Variants in COL18A1 observed in about 807,000 individuals in gnomAD.
COL18A1 encodes the protein collagen alpha-1(XVIII) chain.
COL18A1 carries 133 observed loss-of-function variants against 168.0 expected under a neutral mutation model. That is an observed-to-expected ratio of 0.79 (90% CI 0.69 to 0.91). COL18A1 has a LOEUF of 0.91. Ranked by LOEUF, COL18A1 falls within the 40% of genes least tolerant of loss-of-function variation. The pLI, the probability that COL18A1 is intolerant of heterozygous loss-of-function variation, is 0.00. For synonymous variants in COL18A1, 949 were observed against 809.0 expected (o/e 1.17, Z -2.94); for missense variants, 2,126 against 1,925.4 (o/e 1.10, Z -1.95).
intron 3 of COL18A1, among the ~76,000 whole-genome samples, chr21:45,469,318 G>A (rs1462651174): frequency 1.3e-5 from 2 of 152,260 alleles, no homozygotes; most frequent in South Asian, 2.1e-4. Context: ...AACGATGAAC[G>A]ATCCAAAGCT....
Position 45,468,260 on chromosome 21 carries a change from T to G in COL18A1, c.125T>G (p.Val42Gly). Residue 42 changes from valine to glycine, a missense_variant, in exon 3 of 42, where the codon GTG becomes GGG. Coordinates refer to ENST00000651438, the MANE Select transcript of COL18A1 (RefSeq NM_001379500.1). ...TTTGCAGAGCGCATCAGCGAGGAGG[T>G]GGGGCTGCTGCAGCTCCTTGGGGAC... ...SAEPERISEE[V>G]GLLQLLGDPP... 1 of 1,613,006 alleles carries G rather than the reference T, an allele frequency of 6.2e-7. No individual in the cohort carries two copies. Among genetic ancestry groups the G allele is most frequent in the Non-Finnish European group, 8.5e-7 (1 of 1,180,016 alleles).
chr21:45,477,609 C>G lies in COL18A1; in HGVS notation c.1005+122C>G, dbSNP rs1176672422. The G allele has an allele frequency of 6.3e-6, 8 of 1,277,960 alleles. No individual in the cohort carries two copies. The highest frequency in any genetic ancestry group is 2.9e-5 in the African/African-American group (2 of 67,860). 79.2% of individuals were successfully genotyped at this position (1,277,960 alleles called of 1,614,324 possible). ...GCCCGTGCCTCCTTTGTGCCCAGCA[C>G]TCGGTGCCAGCATGCGTCCACCCTG... On this transcript the variant is annotated intron_variant, in intron 7 of 41. Transcript: ENST00000651438.
At chr21:45,459,424 A>G (rs9977280) in intron 2 of COL18A1, among the ~76,000 whole-genome samples, 39,035 of 152,098 alleles carry the variant, frequency 0.26, 5,977 homozygotes, top group African/African-American at 0.43. Flanking sequence ...ATCTCCAGGG[A>G]TCAGGGAGTA....
chr21:45,510,314 TG>T (rs1266906764), intron 40 of COL18A1, 53 bp downstream of exon 40: 2 of 1,537,282 alleles, frequency 1.3e-6, no homozygotes, highest in Admixed American at 3.9e-5. Context: ...ACTTGACCTC[TG>T]GGGTGAACTC....
intron 2 of COL18A1, among the ~76,000 whole-genome samples, chr21:45,453,307 GTA>G (rs1413707713): frequency 6.6e-6 from 1 of 152,088 alleles, no homozygotes; most frequent in Non-Finnish European, 1.5e-5. Context: ...GTGTATGTGA[GTA>G]TTCACATGTG....
At chr21:45,462,461 T>A (rs1352271411) in intron 2 of COL18A1, among the ~76,000 whole-genome samples, 1 of 152,190 alleles carries the variant, frequency 6.6e-6, no homozygotes, top group Non-Finnish European at 1.5e-5. Flanking sequence ...TTTCATCTTT[T>A]GTCTTTGAAA....
At chr21:45,481,923 C>T (rs377648546) in intron 13 of COL18A1, 40 bp from the exon 14 acceptor site, 23 of 1,450,226 alleles carry the variant, frequency 1.6e-5, no homozygotes, top group African/African-American at 4.2e-5. Flanking sequence ...TTTTAGTGGC[C>T]GAATGCCATC....
chr21:45,443,412 C>G lies in COL18A1; in HGVS notation c.107-24830C>G, dbSNP rs1238823719. ...AGTGGGCCTTCACCAGCTTGAAAGG[C>G]CGCCCGTGCCTTTCCTCCTTGGCCC... On this transcript the variant is annotated intron_variant, in intron 2 of 41. Transcript: ENST00000651438. This position sits in a 1 kb window ranked among gnomAD's most constrained non-coding sequence, Gnocchi z 5.2. Among the ~76,000 whole-genome samples, 2 of 152,120 alleles carry G rather than the reference C, an allele frequency of 1.3e-5. No homozygotes were observed. The highest frequency in any genetic ancestry group is 2.9e-5 in the Non-Finnish European group (2 of 67,996).
In COL18A1 at chr21:45,473,763, G is replaced by GC; in HGVS notation, c.652-129dup. On this transcript the variant is annotated intron_variant, in intron 3 of 41. Coordinates refer to ENST00000651438, the MANE Select transcript of COL18A1 (RefSeq NM_001379500.1). The surrounding 1 kb of genome is among the most constrained non-coding windows in gnomAD (Gnocchi z 4.0). ...GGCATACCGCACCCCCAGGGAGGCTGCCCGAGACCCCTTCCCTCTCCGAGA... is the reference window on the plus strand; with the variant it reads ...GGCATACCGCACCCCCAGGGAGGCTGCCCCGAGACCCCTTCCCTCTCCGAGA... 1 of 770,730 alleles carries GC rather than the reference G, an allele frequency of 1.3e-6. No individual in the cohort carries two copies. The highest frequency in any genetic ancestry group is 1.5e-5 in the South Asian group (1 of 67,902). The allele number at this position is 770,730 out of a possible 1,614,324, so 47.7% of individuals were successfully genotyped here.
Position 45,493,177 on chromosome 21 carries a change from CAAGGGCAACCTGGGCTCT to C in COL18A1, c.2236_2253del (p.Asn746_Gly751del). The stretch of plus-strand genomic sequence containing the variant: ...CTCCATTCCAGGGACCTGCAGGACC[CAAGGGCAACCTGGGCTCT>C]AAGGGCGAACGAGGCTCCCCGGGAC... On this transcript the variant is annotated inframe_deletion, in exon 25 of 42. Transcript: ENST00000651438. 6.4e-7 allele frequency: 1 copy of C among 1,560,602 alleles called. No homozygotes were observed. Among genetic ancestry groups the C allele is most frequent in the Non-Finnish European group, 8.7e-7 (1 of 1,152,348 alleles).
At chr21:45,503,346 T>G (rs2036968158) in intron 32 of COL18A1, among the ~76,000 whole-genome samples, 1 of 152,194 alleles carries the variant, frequency 6.6e-6, no homozygotes, top group Non-Finnish European at 1.5e-5. Context: ...TTTTCATGTG[T>G]TTTTTGGCTG....
chr21:45,478,185 C>T, intron 8 of COL18A1, 142 bp from the exon 9 acceptor site: 3 of 1,109,278 alleles, frequency 2.7e-6, no homozygotes, highest in Non-Finnish European at 4.1e-6. Context: ...GAGGAGGCTC[C>T]TGGCGCGGGT....
intron 2 of COL18A1, among the ~76,000 whole-genome samples, chr21:45,458,964 C>T (rs2034947070): frequency 6.6e-6 from 1 of 152,232 alleles, no homozygotes; most frequent in African/African-American, 2.4e-5. Flanking sequence ...TCTGCAACTG[C>T]AGCTGGCCCG....
chr21:45,476,256 C>T lies in COL18A1; in HGVS notation c.799-95C>T, dbSNP rs1602481841. 5.8e-6 allele frequency: 9 copies of T among 1,559,128 alleles called. No homozygotes were observed. In the East Asian group the frequency reaches 2.1e-4, roughly 36 times the overall value. On this transcript the variant is annotated intron_variant, in intron 5 of 41. Transcript: ENST00000651438. ...TTTCAGAGGATTTTTCTTTATCTTT[C>T]TTGCGATCTTAAGTATTTCATTTCA...
chr21:45,504,112 G>A, intron 33 of COL18A1, 58 bp downstream of exon 33: 1 of 1,577,812 alleles, frequency 6.3e-7, no homozygotes. Context: ...CCCGCTGGGT[G>A]GCTGCTCCCA....
rs1568931008 is a variant in COL18A1 at position 45,498,319 on chromosome 21, CCT to C, written c.2683+662_2683+663del. ...GGGTCCCCTCTCGCCGCCACGGTCCCCTCTCGCCGCCAGGGTCCCCTCTCACC... is the reference window on the plus strand; with the variant it reads ...GGGTCCCCTCTCGCCGCCACGGTCCCCTCGCCGCCAGGGTCCCCTCTCACC... On this transcript the variant is annotated intron_variant, in intron 32 of 41. Transcript: ENST00000651438. The surrounding 1 kb of genome is among the most constrained non-coding windows in gnomAD (Gnocchi z 4.5). 5 of 682,494 alleles carry C rather than the reference CCT, an allele frequency of 7.3e-6. No homozygotes were observed. The allele number at this position is 682,494 out of a possible 1,614,324, so 42.3% of individuals were successfully genotyped here.
In COL18A1 at chr21:45,456,871, G is replaced by A. The variant is rs757199525; in HGVS notation, c.107-11371G>A. Reference sequence around the variant, plus strand: ...AGGATGGGTACTGTGTGCTCATTGGGCCGGCTGCAGGTAACTGGCCGGCCC... The same window carrying A: ...AGGATGGGTACTGTGTGCTCATTGGACCGGCTGCAGGTAACTGGCCGGCCC... On this transcript the variant is annotated intron_variant, in intron 2 of 41. Transcript: ENST00000651438. 8.3e-6 allele frequency: 12 copies of A among 1,446,172 alleles called. No homozygotes were observed. In the East Asian group the frequency reaches 3.2e-4, roughly 39 times the overall value. The allele number at this position is 1,446,172 out of a possible 1,614,324, so 89.6% of individuals were successfully genotyped here.
At chr21:45,482,247 T>C in intron 14 of COL18A1, 1 of 624,658 alleles carries the variant, frequency 1.6e-6, no homozygotes, top group Non-Finnish European at 2.9e-6. Context: ...ACTCACGGGT[T>C]TTAAGAACAT....
chr21:45,473,841 G>T lies in COL18A1; in HGVS notation c.652-54G>T. 7.0e-7 allele frequency: 1 copy of T among 1,437,156 alleles called. No individual in the cohort carries two copies. Among genetic ancestry groups the T allele is most frequent in the Non-Finnish European group, 9.6e-7 (1 of 1,043,058 alleles). 89.0% of individuals were successfully genotyped at this position (1,437,156 alleles called of 1,614,324 possible). On this transcript the variant is annotated intron_variant, in intron 3 of 41. Transcript: ENST00000651438. The surrounding 1 kb of genome is among the most constrained non-coding windows in gnomAD (Gnocchi z 4.0). ...AATCTGGAGCTCAAGCAGCACCGGG[G>T]TTGCCACTGCCACCTCAGGACCGCT...
Sources: gnomAD v4.1 joint callset for allele counts (sites outside exome capture counted in the v4.1 genomes callset) on GRCh38, gnomAD v4.1.1 for gene constraint, Gnocchi (gnomAD v3.1) non-coding constraint, MANE v1.5 for transcripts, NCBI Gene and HGNC (gene_info 2026-07-23, HGNC 2026-07-21) for gene names.